The following SPON1 variants were observed in gnomAD, a reference collection of about 807,000 sequenced individuals.
SPON1 encodes the protein spondin-1.
In SPON1, 52 loss-of-function variants were observed where a neutral mutation model predicts 111.7. The observed-to-expected ratio is 0.47, with a 90% CI of 0.37 to 0.59. The LOEUF (loss-of-function observed/expected upper bound fraction) is 0.59, where lower values mean the gene tolerates loss of function less well. Ranked by LOEUF, SPON1 falls within the 20% of genes least tolerant of loss-of-function variation. The pLI, the probability that SPON1 is intolerant of heterozygous loss-of-function variation, is 0.00. For synonymous variants in SPON1, 410 were observed against 395.8 expected (o/e 1.04, Z -0.43); for missense variants, 957 against 1,068.5 (o/e 0.90, Z 1.46).
intron 2 of SPON1, among the ~76,000 whole-genome samples, chr11:13,993,913 C>T (rs1462878978): frequency 6.6e-6 from 1 of 152,104 alleles, no homozygotes; most frequent in African/African-American, 2.4e-5. Flanking sequence ...CAGGCATCAA[C>T]TAGTTTAGGT....
chr11:14,023,513 T>C (rs112339384), intron 2 of SPON1, among the ~76,000 whole-genome samples: 1 of 152,220 alleles, frequency 6.6e-6, no homozygotes, highest in African/African-American at 2.4e-5. Flanking sequence ...AACAAAGTGA[T>C]GTTTTTCTCT....
rs1849112513 is a variant in SPON1 at position 14,256,682 on chromosome 11, G to A, written c.1299G>A (p.Glu433=). 1 of 1,613,460 alleles carries A rather than the reference G, an allele frequency of 6.2e-7. No homozygotes were observed. The highest frequency in any genetic ancestry group is 2.2e-5 in the East Asian group (1 of 44,868). Residue 433 remains glutamate, a synonymous_variant, in exon 10 of 16, where the codon GAG becomes GAA. Coordinates refer to ENST00000576479, the MANE Select transcript of SPON1 (RefSeq NM_006108.4). ...TTGTAGCTGACCTGGCTCCAGAAGA[G>A]AAAGATGAAGGTACGTTGTTTTCTT... ...DDIVADLAPE[E]KDEDDTPETC...
At chr11:13,977,949 T>G (rs1272993305) in intron 1 of SPON1, among the ~76,000 whole-genome samples, 1 of 152,210 alleles carries the variant, frequency 6.6e-6, no homozygotes, top group African/African-American at 2.4e-5. Flanking sequence ...ATTGCTCTGA[T>G]GTATTAGGTT....
At chr11:14,085,479 A>G (rs955225851) in intron 5 of SPON1, among the ~76,000 whole-genome samples, 3 of 152,020 alleles carry the variant, frequency 2.0e-5, no homozygotes, top group Non-Finnish European at 4.4e-5. Flanking sequence ...GTTATTTCTG[A>G]GGCCTCTGTT....
chr11:14,183,363 A>T (rs1848254457), intron 6 of SPON1, among the ~76,000 whole-genome samples: 1 of 152,208 alleles, frequency 6.6e-6, no homozygotes, highest in Non-Finnish European at 1.5e-5. Context: ...ATGTTCATGG[A>T]ACACAACTTT....
rs782641977 is a variant in SPON1, at chr11:14,262,912, G to A, written c.2197G>A (p.Glu733Lys). 2 of 1,613,872 alleles carry A rather than the reference G, an allele frequency of 1.2e-6. No homozygotes were observed. The highest frequency in any genetic ancestry group is 4.5e-5 in the East Asian group (2 of 44,864). Reference protein sequence around the residue: ...NPSIQKLRWREARESRRSEQL... With the variant: ...NPSIQKLRWRKARESRRSEQL... ...ATCCATCCAAAAGCTACGCTGGAGG[G>A]AGGCCCGAGAGAGCCGGCGGAGTGA... The change falls in exon 15 of 16, where the codon GAG becomes AAG. Residue 733 changes from glutamate (E) to lysine (K), a missense_variant. By Grantham distance (56) the Glu-to-Lys change is moderately conservative. This residue lies in a region of SPON1 where 549 missense variants were observed against 606.2 expected (regional missense o/e 0.91). Transcript: ENST00000576479.
intron 6 of SPON1, among the ~76,000 whole-genome samples, chr11:14,227,778 G>A (rs1554938283): frequency 6.6e-6 from 1 of 151,998 alleles, no homozygotes; most frequent in African/African-American, 2.4e-5. Context: ...ACATTCCCAG[G>A]GTTACACAGT....
chr11:14,013,664 A>G lies in SPON1; in HGVS notation c.346-27857A>G, dbSNP rs149438858. On this transcript the variant is annotated intron_variant, in intron 2 of 15. Coordinates refer to ENST00000576479, the MANE Select transcript of SPON1 (RefSeq NM_006108.4). ...TCTCAGGTCATATTGCTAATATTGT[A>G]TACATTGCCAATTGAGCAATCAGTT... 3.3e-5 allele frequency among the ~76,000 whole-genome samples: 5 copies of G among 152,306 alleles called. No homozygotes were observed. The East Asian group carries it at 5.8e-4, about 18-fold the overall frequency.
intron 6 of SPON1, among the ~76,000 whole-genome samples, chr11:14,172,378 A>G (rs1554932587): frequency 6.6e-6 from 1 of 151,576 alleles, no homozygotes; most frequent in Non-Finnish European, 1.5e-5. Context: ...TTTTGAGCCT[A>G]TGTGTGTCTC....
intron 6 of SPON1, among the ~76,000 whole-genome samples, chr11:14,172,678 G>T (rs1164699057): frequency 6.6e-6 from 1 of 151,656 alleles, no homozygotes; most frequent in Non-Finnish European, 1.5e-5. Flanking sequence ...GCTCTTTTAG[G>T]GCAGGCCTGG....
At chr11:14,115,629 C>G (rs1209303204) in intron 5 of SPON1, among the ~76,000 whole-genome samples, 3 of 152,094 alleles carry the variant, frequency 2.0e-5, no homozygotes, top group African/African-American at 7.2e-5. Context: ...GTATAATATT[C>G]CATTGCATGA....
At chr11:14,088,130 A>G (rs572933723) in intron 5 of SPON1, among the ~76,000 whole-genome samples, 1 of 152,278 alleles carries the variant, frequency 6.6e-6, no homozygotes, top group East Asian at 1.9e-4. Context: ...GCCCATTTAC[A>G]TTTAAGGTTA....
intron 6 of SPON1, among the ~76,000 whole-genome samples, chr11:14,140,109 G>T (rs1273898142): frequency 2.6e-5 from 4 of 152,152 alleles, no homozygotes; most frequent in Non-Finnish European, 5.9e-5. Context: ...AGGGGAATCT[G>T]TGCATCCATT....
At chr11:14,028,807 A>G (rs1242096652) in intron 2 of SPON1, among the ~76,000 whole-genome samples, 2 of 152,148 alleles carry the variant, frequency 1.3e-5, no homozygotes, top group Non-Finnish European at 2.9e-5. Flanking sequence ...ACTTTACTCA[A>G]GGTCATTCAG....
chr11:14,123,737 C>G (rs1269783800), intron 5 of SPON1, among the ~76,000 whole-genome samples: 1 of 152,174 alleles, frequency 6.6e-6, no homozygotes, highest in Non-Finnish European at 1.5e-5. Flanking sequence ...TTAATTGCCC[C>G]AAATTCTTAC....
intron 3 of SPON1, among the ~76,000 whole-genome samples, chr11:14,044,173 A>C (rs1848651847): frequency 6.6e-6 from 1 of 152,198 alleles, no homozygotes; most frequent in Non-Finnish European, 1.5e-5. Flanking sequence ...TTTTCTCTGA[A>C]GGAATCATAT....
chr11:14,097,281 G>A (rs578175026), intron 5 of SPON1, among the ~76,000 whole-genome samples: 35 of 152,306 alleles, frequency 2.3e-4, no homozygotes, highest in South Asian at 6.2e-4. Flanking sequence ...AATAGGGAGT[G>A]CATTTTCACA....
At chr11:14,008,616 A>G (rs1848381782) in intron 2 of SPON1, among the ~76,000 whole-genome samples, 1 of 152,132 alleles carries the variant, frequency 6.6e-6, no homozygotes, top group Non-Finnish European at 1.5e-5. Flanking sequence ...AAGTTAATAA[A>G]CCTACCTGCA....
chr11:14,027,963 G>A (rs1274213553), intron 2 of SPON1, among the ~76,000 whole-genome samples: 2 of 152,164 alleles, frequency 1.3e-5, no homozygotes, highest in African/African-American at 4.8e-5. Context: ...TTTAAAACCT[G>A]TTTATCAGTG....
Sources: allele counts gnomAD v4.1 joint callset (sites outside exome capture counted in the v4.1 genomes callset), GRCh38; gene constraint gnomAD v4.1.1; regional missense constraint gnomAD v4.1.1; transcripts MANE v1.5; gene names NCBI Gene and HGNC (gene_info 2026-07-23, HGNC 2026-07-21).